Variants in FGGY observed in about 807,000 individuals in gnomAD.
FGGY encodes the protein FGGY carbohydrate kinase domain containing.
A neutral mutation model predicts 71.3 loss-of-function variants in FGGY; 72 were observed. The ratio of observed to expected loss-of-function variants is 1.01; its 90% CI spans 0.84 to 1.23. The LOEUF (loss-of-function observed/expected upper bound fraction) is 1.23. Ranked by LOEUF, FGGY falls within the 50% of genes most tolerant of loss-of-function variation. FGGY has a pLI of 0.00. For synonymous variants in FGGY, 251 were observed against 250.3 expected (o/e 1.00, Z -0.02); for missense variants, 668 against 682.3 (o/e 0.98, Z 0.23).
intron 5 of FGGY, among the ~76,000 whole-genome samples, chr1:59,425,244 C>T (rs929986268): frequency 5.9e-5 from 9 of 152,064 alleles, no homozygotes; most frequent in African/African-American, 1.9e-4. Flanking sequence ...ATTTGGATGA[C>T]GTAGTAACAT....
At chr1:59,759,012 G>A (rs548867775) in intron 15 of FGGY, among the ~76,000 whole-genome samples, 1 of 152,200 alleles carries the variant, frequency 6.6e-6, no homozygotes, top group South Asian at 2.1e-4. Flanking sequence ...CAGATAAAAG[G>A]CTTTTTCAAG....
At chr1:59,747,677 G>T (rs1415054346) in intron 14 of FGGY, among the ~76,000 whole-genome samples, 4 of 152,152 alleles carry the variant, frequency 2.6e-5, no homozygotes, top group Admixed American at 2.0e-4. Context: ...CATACAGCTG[G>T]CAGTAATTTT....
chr1:59,417,469 G>A (rs186894431), intron 5 of FGGY, among the ~76,000 whole-genome samples: 1 of 152,270 alleles, frequency 6.6e-6, no homozygotes, highest in Non-Finnish European at 1.5e-5. Flanking sequence ...TAGAAGGAGT[G>A]GAATTGTTGG....
rs111815622 is a variant in FGGY, at chr1:59,604,807, A to G, written c.904-2996A>G. On this transcript the variant is annotated intron_variant, in intron 8 of 15. Transcript: ENST00000303721. ...AGAGTTCTGGAGGCAAGGGGCTGCA[A>G]GACACAGAAAGAGATGACTTGGCTT... 2.6e-3 allele frequency among the ~76,000 whole-genome samples: 397 copies of G among 152,340 alleles called. 4 individuals carry two copies. The highest frequency in any genetic ancestry group is 9.1e-3 in the African/African-American group (377 of 41,580).
intron 2 of FGGY, among the ~76,000 whole-genome samples, chr1:59,337,572 A>G (rs966093308): frequency 6.6e-6 from 1 of 152,144 alleles, no homozygotes; most frequent in Non-Finnish European, 1.5e-5. Context: ...AGTCCAGTTG[A>G]TATCTAATAT....
chr1:59,515,621 A>C (rs988738242), intron 7 of FGGY, among the ~76,000 whole-genome samples: 3 of 152,164 alleles, frequency 2.0e-5, no homozygotes, highest in African/African-American at 7.2e-5. Flanking sequence ...AGGGAATTGA[A>C]TCATAAGGGC....
At chr1:59,732,170 C>T (rs2098040399) in intron 14 of FGGY, among the ~76,000 whole-genome samples, 1 of 152,130 alleles carries the variant, frequency 6.6e-6, no homozygotes, top group African/African-American at 2.4e-5. Flanking sequence ...TCTCTTTAAT[C>T]CAGTTGTACA....
intron 5 of FGGY, among the ~76,000 whole-genome samples, chr1:59,391,270 C>T (rs962793314): frequency 6.6e-6 from 1 of 152,078 alleles, no homozygotes; most frequent in Admixed American, 6.6e-5. Context: ...TTCAGGCCAG[C>T]CCAACCTGAG....
chr1:59,596,447 C>T (rs201471548), intron 8 of FGGY, among the ~76,000 whole-genome samples: 38 of 135,272 alleles, frequency 2.8e-4, no homozygotes, highest in African/African-American at 8.0e-4. Context: ...TTATTTCAAT[C>T]TTTTTTTTTT....
chr1:59,550,402 C>G (rs2095590242), intron 7 of FGGY, among the ~76,000 whole-genome samples: 1 of 150,590 alleles, frequency 6.6e-6, no homozygotes, highest in African/African-American at 2.5e-5. Context: ...AATAAGATGT[C>G]AGCTCTCCGA....
At chr1:59,423,520 C>G (rs2065810760) in intron 5 of FGGY, among the ~76,000 whole-genome samples, 1 of 152,178 alleles carries the variant, frequency 6.6e-6, no homozygotes, top group South Asian at 2.1e-4. Flanking sequence ...ACTGGTCTTC[C>G]TATCTGCAGC....
chr1:59,526,910 C>T (rs1369700641), intron 7 of FGGY, among the ~76,000 whole-genome samples: 1 of 152,162 alleles, frequency 6.6e-6, no homozygotes, highest in East Asian at 1.9e-4. Flanking sequence ...GGAATAGTGC[C>T]TCACAGGGTT....
chr1:59,557,112 G>T (rs1367999066), intron 8 of FGGY, among the ~76,000 whole-genome samples: 1 of 152,178 alleles, frequency 6.6e-6, no homozygotes, highest in Non-Finnish European at 1.5e-5. Flanking sequence ...TAACACCTTT[G>T]TGAGGTCTAG....
chr1:59,586,130 T>C (rs916178603), intron 8 of FGGY, among the ~76,000 whole-genome samples: 1 of 152,180 alleles, frequency 6.6e-6, no homozygotes, highest in Non-Finnish European at 1.5e-5. Flanking sequence ...GAACTAGAAA[T>C]ACCATTTGAC....
intron 14 of FGGY, among the ~76,000 whole-genome samples, chr1:59,700,168 G>A (rs1409995354): frequency 1.3e-5 from 2 of 152,140 alleles, no homozygotes; most frequent in Non-Finnish European, 2.9e-5. Flanking sequence ...AAAATAGGTG[G>A]CACATGTTTA....
intron 5 of FGGY, among the ~76,000 whole-genome samples, chr1:59,429,068 G>A (rs775780084): frequency 2.0e-5 from 3 of 152,182 alleles, no homozygotes; most frequent in South Asian, 2.1e-4. Context: ...TTTTGACCAC[G>A]CCCATGTGGC....
At chr1:59,534,881 C>G (rs888368208) in intron 7 of FGGY, among the ~76,000 whole-genome samples, 1 of 151,950 alleles carries the variant, frequency 6.6e-6, no homozygotes, top group African/African-American at 2.4e-5. Context: ...AAAATCATGC[C>G]AAAATGTAAA....
At chr1:59,627,486 A>ATC (rs1445168973) in intron 10 of FGGY, among the ~76,000 whole-genome samples, 9 of 121,804 alleles carry the variant, frequency 7.4e-5, no homozygotes, top group Non-Finnish European at 9.4e-5. Context: ...ATATATATAT[A>ATC]TATACACACA....
intron 4 of FGGY, among the ~76,000 whole-genome samples, chr1:59,351,888 G>A (rs545597903): frequency 1.1e-3 from 169 of 151,762 alleles, no homozygotes; most frequent in African/African-American, 3.9e-3. Context: ...AGGAAGTTGG[G>A]CAGAATTTGG....
Sources: allele counts gnomAD v4.1 joint callset (sites outside exome capture counted in the v4.1 genomes callset), GRCh38; gene constraint gnomAD v4.1.1; transcripts MANE v1.5; gene names NCBI Gene and HGNC (gene_info 2026-07-23, HGNC 2026-07-21).